GPR176: variants seen among roughly 807,000 people sequenced by gnomAD.
GPR176 encodes the protein G-protein coupled receptor 176.
A neutral mutation model predicts 35.4 loss-of-function variants in GPR176; 26 were observed. The ratio of observed to expected loss-of-function variants is 0.74; its 90% confidence interval spans 0.54 to 1.02. GPR176 has a LOEUF of 1.02. Among genes scored for constraint, GPR176 ranks in the 50% least tolerant of loss-of-function variants. The pLI, the probability that GPR176 is intolerant of heterozygous loss-of-function variation, is 0.00. For missense variants in GPR176, 597 were observed against 665.3 expected (o/e 0.90, Z 1.13); for synonymous variants, 278 against 271.3 (o/e 1.02, Z -0.24).
At chr15:39,834,487 T>C (rs1901276047) in intron 1 of GPR176, among the ~76,000 whole-genome samples, 1 of 152,180 alleles carries the variant, frequency 6.6e-6, no homozygotes, top group South Asian at 2.1e-4. Flanking sequence ...AGAGTCATTA[T>C]ACCACTTAAG....
chr15:39,803,560 C>T (rs938751995), intron 2 of GPR176, among the ~76,000 whole-genome samples: 2 of 152,122 alleles, frequency 1.3e-5, no homozygotes, highest in African/African-American at 4.8e-5. Flanking sequence ...GGATTACAGA[C>T]GTGAGCCACC....
At position 39,909,889 on chromosome 15, in the gene GPR176, T is replaced by C. The variant is rs75378241; in HGVS notation, c.172+9966A>G. 3.4e-3 allele frequency: 3,295 copies of C among 979,884 alleles called. 86 individuals are homozygous for C. In the African/African-American group the frequency reaches 0.053, roughly 16 times the overall value. The allele number at this position is 979,884 out of a possible 1,614,324, so 60.7% of individuals were successfully genotyped here. A position where few individuals can be genotyped will look rare whatever the true frequency, so the allele number is the denominator to read the frequency against. On this transcript the variant is annotated intron_variant, in intron 1 of 2. Transcript: ENST00000561100. ...TTAATTACCTGTTGTATATTTCATT[T>C]GGCAAGCTAGTCCTTTTAAAGCCCG...
At chr15:39,850,869 A>C (rs901395874) in intron 1 of GPR176, among the ~76,000 whole-genome samples, 1 of 152,152 alleles carries the variant, frequency 6.6e-6, no homozygotes, top group Admixed American at 6.6e-5. Context: ...ACAAAAAAAC[A>C]AAAAACAATA....
intron 1 of GPR176, among the ~76,000 whole-genome samples, chr15:39,814,483 C>T (rs796316204): frequency 4.6e-5 from 7 of 152,270 alleles, no homozygotes; most frequent in African/African-American, 9.6e-5. Flanking sequence ...TCCATTCCTT[C>T]GTTAATCTGT....
intron 1 of GPR176, among the ~76,000 whole-genome samples, chr15:39,840,970 A>G (rs1229688177): frequency 6.6e-6 from 1 of 152,148 alleles, no homozygotes; most frequent in Non-Finnish European, 1.5e-5. Flanking sequence ...GCACATGATC[A>G]CATAGTAATT....
chr15:39,885,279 G>A lies in GPR176; in HGVS notation c.172+34576C>T, dbSNP rs527316060. ...CAAGCTAACCCTCTAGCATTGCTCT[G>A]TTCAACAGAGTGTGTTTCCTGCCAA... On this transcript the variant is annotated intron_variant, in intron 1 of 2. Transcript: ENST00000561100. Among the ~76,000 whole-genome samples, 9 of 152,300 alleles carry A rather than the reference G, an allele frequency of 5.9e-5. No individual in the cohort carries two copies. In the East Asian group the frequency reaches 1.7e-3, roughly 29 times the overall value.
chr15:39,815,680 C>T lies in GPR176; in HGVS notation c.173-8422G>A, dbSNP rs972127953. Among the ~76,000 whole-genome samples the T allele has an allele frequency of 1.3e-5, 2 of 152,174 alleles. 1 individual carries two copies. The highest frequency in any genetic ancestry group is 4.8e-5 in the African/African-American group (2 of 41,440). ...AGAATCTATCAAGTCTACTATAAAACGTTCAATATACCACACAGAAAATGT... is the reference window on the plus strand; with the variant it reads ...AGAATCTATCAAGTCTACTATAAAATGTTCAATATACCACACAGAAAATGT... On this transcript the variant is annotated intron_variant, in intron 1 of 2. Transcript: ENST00000561100.
intron 1 of GPR176, among the ~76,000 whole-genome samples, chr15:39,835,163 A>G (rs1312777144): frequency 6.6e-6 from 1 of 152,002 alleles, no homozygotes; most frequent in Non-Finnish European, 1.5e-5. Context: ...GATTACAGGC[A>G]TGTGCCACCA....
chr15:39,848,949 A>G (rs1475439428), intron 1 of GPR176, among the ~76,000 whole-genome samples: 3 of 151,376 alleles, frequency 2.0e-5, no homozygotes, highest in Non-Finnish European at 4.4e-5. Context: ...AAGAAAAAAA[A>G]GCAGAAGAGA....
In GPR176 at chr15:39,802,175, G is replaced by A. The variant is rs774078427; in HGVS notation, c.505C>T (p.His169Tyr). ...ACAGGGACACTGGCCACCACTGCAT[G>A]GGCCCAGATGTACATCACCAGTTCA... ...SRELVMYIWA[H>Y]AVVASVPVFA... Residue 169 changes from histidine to tyrosine, a missense_variant, in exon 3 of 3, where the codon CAT becomes TAT. Coordinates refer to ENST00000561100, the MANE Select transcript of GPR176 (RefSeq NM_007223.3). The A allele has an allele frequency of 1.2e-6, 2 of 1,613,900 alleles. No individual in the cohort carries two copies. Among genetic ancestry groups the A allele is most frequent in the South Asian group, 1.1e-5 (1 of 91,090 alleles).
chr15:39,902,966 C>CTT (rs2033321136), intron 1 of GPR176, among the ~76,000 whole-genome samples: 1 of 152,212 alleles, frequency 6.6e-6, no homozygotes, highest in African/African-American at 2.4e-5. Context: ...GAGAGTTCCA[C>CTT]TTTCAATTTT....
chr15:39,895,429 T>C lies in GPR176; in HGVS notation c.172+24426A>G, dbSNP rs536229944. On this transcript the variant is annotated intron_variant, in intron 1 of 2. Transcript: ENST00000561100. ...GACACTATATTAAAACCAGTATAAA[T>C]ACAATGAACAGTTGGGCCAAGCTTT... 2.0e-5 allele frequency among the ~76,000 whole-genome samples: 3 copies of C among 152,306 alleles called. No individual in the cohort carries two copies. In the East Asian group the frequency reaches 5.8e-4, roughly 29 times the overall value.
chr15:39,893,726 C>CG (rs1159213489), intron 1 of GPR176, among the ~76,000 whole-genome samples: 3 of 134,194 alleles, frequency 2.2e-5, no homozygotes, highest in Non-Finnish European at 4.9e-5. Flanking sequence ...GCTGGCCGGG[C>CG]GGGGGGCTGA....
intron 1 of GPR176, among the ~76,000 whole-genome samples, chr15:39,842,223 C>T (rs1311234549): frequency 1.3e-5 from 2 of 152,074 alleles, no homozygotes; most frequent in Non-Finnish European, 2.9e-5. Flanking sequence ...CCTCAGGAAA[C>T]TTACAAGCAC....
At chr15:39,889,055 C>A (rs2032772095) in intron 1 of GPR176, among the ~76,000 whole-genome samples, 1 of 152,192 alleles carries the variant, frequency 6.6e-6, no homozygotes, top group African/African-American at 2.4e-5. Flanking sequence ...AGAATCTACA[C>A]AACAAACTTT....
intron 1 of GPR176, among the ~76,000 whole-genome samples, chr15:39,816,203 G>T (rs1899893442): frequency 6.6e-6 from 1 of 152,042 alleles, no homozygotes; most frequent in Non-Finnish European, 1.5e-5. Flanking sequence ...AAGTTCAAGA[G>T]GTCTACTGTA....
chr15:39,902,256 C>T (rs911657696), intron 1 of GPR176, among the ~76,000 whole-genome samples: 5 of 152,212 alleles, frequency 3.3e-5, no homozygotes, highest in African/African-American at 1.2e-4. Flanking sequence ...TTTACCAGCA[C>T]TCAACCCACC....
chr15:39,894,296 G>A (rs1358824513), intron 1 of GPR176, among the ~76,000 whole-genome samples: 12 of 105,190 alleles, frequency 1.1e-4, no homozygotes, highest in East Asian at 3.0e-4. Context: ...CGGGGCGGCT[G>A]GCCGGGCGGG....
At chr15:39,834,026 A>T (rs1901251220) in intron 1 of GPR176, among the ~76,000 whole-genome samples, 1 of 152,200 alleles carries the variant, frequency 6.6e-6, no homozygotes, top group Non-Finnish European at 1.5e-5. Context: ...ATGTACACAC[A>T]GAGAGAAAGT....
Sources: allele counts gnomAD v4.1 joint callset (sites outside exome capture counted in the v4.1 genomes callset), GRCh38; gene constraint gnomAD v4.1.1; transcripts MANE v1.5; gene names NCBI Gene and HGNC (gene_info 2026-07-23, HGNC 2026-07-21).